MARCHF1: variants seen among roughly 807,000 people sequenced by gnomAD.
MARCHF1 encodes the protein membrane associated ring-CH-type finger 1, also known as E3 ubiquitin-protein ligase MARCHF1.
MARCHF1 carries 40 observed loss-of-function variants against 54.2 expected under a neutral mutation model. The observed-to-expected ratio is 0.74, with a 90% confidence interval of 0.57 to 0.96. MARCHF1 has a LOEUF of 0.96. MARCHF1 is among the 40% of genes least tolerant of loss of function. The probability of loss-of-function intolerance (pLI) is 0.00; values close to 1 mark genes in which losing one functional copy is unlikely to be tolerated. For missense variants in MARCHF1, 586 were observed against 656.5 expected, an observed-to-expected ratio of 0.89 and a Z score of 1.17; for synonymous variants, 236 against 236.3, an observed-to-expected ratio of 1.00 and a Z score of 0.01.
At chr4:164,208,224 T>C (rs1238286138) in intron 1 of MARCHF1, among the ~76,000 whole-genome samples, 1 of 152,162 alleles carries the variant, frequency 6.6e-6, no homozygotes, top group African/African-American at 2.4e-5. Flanking sequence ...ATATCAAGAC[T>C]GTGGAAAGTA....
intron 2 of MARCHF1, among the ~76,000 whole-genome samples, chr4:164,027,055 A>G (rs1041388583): frequency 6.6e-6 from 1 of 152,050 alleles, no homozygotes; most frequent in East Asian, 1.9e-4. Context: ...AAGGAGAACT[A>G]AAAAACACTG....
chr4:164,049,272 T>C (rs1311814814), intron 2 of MARCHF1, among the ~76,000 whole-genome samples: 1 of 152,098 alleles, frequency 6.6e-6, no homozygotes, highest in Non-Finnish European at 1.5e-5. Context: ...ACTCCCTCAC[T>C]ATCATGAGAA....
At chr4:164,147,100 A>T (rs936593296) in intron 1 of MARCHF1, among the ~76,000 whole-genome samples, 1 of 152,174 alleles carries the variant, frequency 6.6e-6, no homozygotes, top group African/African-American at 2.4e-5. Context: ...CCATCAGAGA[A>T]ATGCAAATCA....
At chr4:163,707,241 G>A (rs1744975513) in intron 4 of MARCHF1, among the ~76,000 whole-genome samples, 1 of 151,996 alleles carries the variant, frequency 6.6e-6, no homozygotes, top group South Asian at 2.1e-4. Flanking sequence ...ATTATCCTCT[G>A]TCTAGAAAAA....
intron 3 of MARCHF1, among the ~76,000 whole-genome samples, chr4:163,938,531 C>T (rs1253773146): frequency 6.6e-6 from 1 of 152,174 alleles, no homozygotes; most frequent in East Asian, 1.9e-4. Context: ...AGCTCTGCCA[C>T]AATGGCCACA....
chr4:164,263,107 G>T (rs1284867833), intron 1 of MARCHF1, among the ~76,000 whole-genome samples: 1 of 151,808 alleles, frequency 6.6e-6, no homozygotes, highest in Admixed American at 6.6e-5. Flanking sequence ...AAAAAGAAAA[G>T]CTATTTTTCA....
At chr4:163,580,896 G>A (rs1740211397) in intron 8 of MARCHF1, among the ~76,000 whole-genome samples, 2 of 107,168 alleles carry the variant, frequency 1.9e-5, no homozygotes, top group African/African-American at 3.8e-5. Context: ...TCCGCTTCCC[G>A]GGTTCACGCC....
chr4:163,811,685 AAGT>A (rs995529786), intron 4 of MARCHF1, among the ~76,000 whole-genome samples: 12 of 152,332 alleles, frequency 7.9e-5, no homozygotes, highest in African/African-American at 2.9e-4. Flanking sequence ...TATTAGAAAA[AAGT>A]AGGCAGGCCT....
intron 3 of MARCHF1, among the ~76,000 whole-genome samples, chr4:163,939,814 G>C (rs965531700): frequency 6.6e-6 from 1 of 152,050 alleles, no homozygotes; most frequent in Non-Finnish European, 1.5e-5. Flanking sequence ...ATAACATGCC[G>C]AACTATTAAT....
chr4:163,737,214 ATTT>A (rs200485998), intron 4 of MARCHF1, among the ~76,000 whole-genome samples: 1 of 43,590 alleles, frequency 2.3e-5, no homozygotes, highest in Non-Finnish European at 5.3e-5. Flanking sequence ...ATTTTTTTTA[ATTT>A]TTTTTTTTTT....
rs146169424 is a variant in MARCHF1, at chr4:164,028,281, C to T, written c.-247-39572G>A. ...GAAGACACATGCATTTGTATGTTCA[C>T]CACAGTGCTATTCACAATAGCAAAG... On this transcript the variant is annotated intron_variant, in intron 2 of 9. Transcript: ENST00000514618. 7.0e-3 allele frequency among the ~76,000 whole-genome samples: 1,065 copies of T among 152,200 alleles called. 16 individuals carry two copies. Among genetic ancestry groups the T allele is most frequent in the African/African-American group, 0.024 (1,012 of 41,516 alleles).
chr4:164,222,413 G>A (rs756007512), intron 1 of MARCHF1, among the ~76,000 whole-genome samples: 1 of 151,854 alleles, frequency 6.6e-6, no homozygotes, highest in South Asian at 2.1e-4. Context: ...TATATTTTGT[G>A]TATATTAGAA....
At chr4:164,314,815 TAA>T (rs1197476713) in intron 1 of MARCHF1, among the ~76,000 whole-genome samples, 1 of 152,214 alleles carries the variant, frequency 6.6e-6, no homozygotes, top group African/African-American at 2.4e-5. Flanking sequence ...CTATGTTCAC[TAA>T]GTTTATAATG....
At chr4:163,744,714 T>C (rs1027862560) in intron 4 of MARCHF1, among the ~76,000 whole-genome samples, 1 of 152,202 alleles carries the variant, frequency 6.6e-6, no homozygotes, top group Non-Finnish European at 1.5e-5. Context: ...CTTTTCCTTG[T>C]AAAACAAATA....
intron 1 of MARCHF1, among the ~76,000 whole-genome samples, chr4:164,225,051 T>C (rs1188710205): frequency 6.6e-6 from 1 of 152,042 alleles, no homozygotes; most frequent in African/African-American, 2.4e-5. Context: ...CTAACAGATG[T>C]CATTGCTTCT....
chr4:163,716,051 A>T (rs1258434327), intron 4 of MARCHF1, among the ~76,000 whole-genome samples: 1 of 152,236 alleles, frequency 6.6e-6, no homozygotes, highest in Non-Finnish European at 1.5e-5. Context: ...AAAATAAAGC[A>T]GTGTAACTAA....
At chr4:164,080,692 GTA>G (rs900174948) in intron 2 of MARCHF1, among the ~76,000 whole-genome samples, 1 of 151,102 alleles carries the variant, frequency 6.6e-6, no homozygotes, top group Admixed American at 6.6e-5. Context: ...ATATGTGTGT[GTA>G]TATATATATC....
At chr4:163,906,629 G>A (rs1489967068) in intron 3 of MARCHF1, among the ~76,000 whole-genome samples, 1 of 151,738 alleles carries the variant, frequency 6.6e-6, no homozygotes, top group African/African-American at 2.4e-5. Flanking sequence ...CAGCTATGTA[G>A]CAAGTTTGCA....
intron 4 of MARCHF1, among the ~76,000 whole-genome samples, chr4:163,764,858 A>G (rs1050072697): frequency 2.0e-5 from 3 of 152,142 alleles, no homozygotes; most frequent in African/African-American, 7.2e-5. Context: ...ATGAGAGCCA[A>G]TAGTTTAACC....
Sources: gnomAD v4.1 joint callset for allele counts (sites outside exome capture counted in the v4.1 genomes callset) on GRCh38, gnomAD v4.1.1 for gene constraint, MANE v1.5 for transcripts, NCBI Gene and HGNC (gene_info 2026-07-23, HGNC 2026-07-21) for gene names.